Variants in SYN3 observed in about 807,000 individuals in gnomAD.
The protein encoded by SYN3 is synapsin III.
A neutral mutation model predicts 65.8 loss-of-function variants in SYN3; 35 were observed. That is an observed-to-expected ratio of 0.53 (90% CI 0.41 to 0.70). The LOEUF is 0.70. Ranked by LOEUF, SYN3 falls within the 30% of genes least tolerant of loss-of-function variation. SYN3 has a pLI of 0.00. For missense variants in SYN3, 680 were observed against 749.0 expected (o/e 0.91, Z 1.08); for synonymous variants, 270 against 292.9 (o/e 0.92, Z 0.80).
intron 12 of SYN3, among the ~76,000 whole-genome samples, chr22:32,523,595 C>T (rs1346914096): frequency 6.6e-6 from 1 of 152,288 alleles, no homozygotes; most frequent in African/African-American, 2.4e-5. Flanking sequence ...CATTTACCAG[C>T]CATTTCCCTA....
At chr22:32,716,809 C>T (rs2061045372) in intron 6 of SYN3, among the ~76,000 whole-genome samples, 1 of 152,136 alleles carries the variant, frequency 6.6e-6, no homozygotes. Flanking sequence ...AGGTGTGAGC[C>T]AACACGCCCT....
chr22:32,665,956 A>G (rs773505710), intron 6 of SYN3, among the ~76,000 whole-genome samples: 2 of 151,986 alleles, frequency 1.3e-5, no homozygotes, highest in African/African-American at 4.8e-5. Context: ...ATCACACACT[A>G]TATCTGTAAC....
intron 6 of SYN3, among the ~76,000 whole-genome samples, chr22:32,697,941 C>T (rs745936060): frequency 8.5e-5 from 13 of 152,178 alleles, no homozygotes; most frequent in Admixed American, 2.6e-4. Context: ...GAGAGATGCA[C>T]GGAGCAGAGC....
intron 5 of SYN3, among the ~76,000 whole-genome samples, chr22:32,866,742 T>C (rs565335560): frequency 2.1e-4 from 32 of 152,230 alleles, no homozygotes; most frequent in Admixed American, 1.8e-3. Context: ...TTGGATGCCA[T>C]TGGCCAAAAA....
intron 4 of SYN3, among the ~76,000 whole-genome samples, chr22:32,882,016 C>T (rs2049153712): frequency 6.6e-6 from 1 of 150,766 alleles, no homozygotes; most frequent in Non-Finnish European, 1.5e-5. Context: ...GATCATGCCA[C>T]TGCACTCCAG....
At chr22:32,827,275 C>T (rs1000470231) in intron 6 of SYN3, among the ~76,000 whole-genome samples, 2 of 152,186 alleles carry the variant, frequency 1.3e-5, no homozygotes, top group South Asian at 2.1e-4. Flanking sequence ...AAAAACAGAG[C>T]CAGGCGTGGC....
chr22:33,038,208 C>G (rs1052939517), intron 1 of SYN3, among the ~76,000 whole-genome samples: 9 of 152,316 alleles, frequency 5.9e-5, no homozygotes, highest in African/African-American at 1.9e-4. Flanking sequence ...TTAGGCCAGG[C>G]ACCAGGATCC....
chr22:33,012,823 G>A (rs1466976997), intron 1 of SYN3, among the ~76,000 whole-genome samples: 2 of 152,262 alleles, frequency 1.3e-5, no homozygotes, highest in Admixed American at 6.5e-5. Flanking sequence ...GCTGCTCCAT[G>A]CCAGGTGGCG....
chr22:32,971,840 AG>A (rs1032764227), intron 3 of SYN3, among the ~76,000 whole-genome samples: 2 of 152,160 alleles, frequency 1.3e-5, no homozygotes, highest in African/African-American at 2.4e-5. Flanking sequence ...CATCACTGGA[AG>A]GGGGAAGAAA....
At chr22:32,624,969 C>T (rs1159667240) in intron 6 of SYN3, among the ~76,000 whole-genome samples, 1 of 152,202 alleles carries the variant, frequency 6.6e-6, no homozygotes, top group African/African-American at 2.4e-5. Context: ...TCATGATTCT[C>T]AAGGCACACA....
In SYN3 at chr22:32,985,021, G is replaced by C. The variant is rs187721263; in HGVS notation, c.312-4319C>G. Among the ~76,000 whole-genome samples the C allele has an allele frequency of 5.7e-3, 862 of 152,312 alleles. 22 individuals are homozygous for C. Among genetic ancestry groups the C allele is most frequent in the Admixed American group, 0.039 (593 of 15,304 alleles). ...ATCCTCTATGCAACAAGGCAGTAAA[G>C]TGCAATGGCTTCAGGGCATACAGCC... On this transcript the variant is annotated intron_variant, in intron 2 of 13. Transcript: ENST00000358763.
At chr22:32,572,510 CCCTTTCTCTTT>C (rs2058792322) in intron 7 of SYN3, among the ~76,000 whole-genome samples, 2 of 135,586 alleles carry the variant, frequency 1.5e-5, no homozygotes, top group Non-Finnish European at 3.2e-5. Flanking sequence ...CTTCCTCCCT[CCCTTTCTCTTT>C]CCTCCCTTCC....
At chr22:33,035,567 C>T (rs75424596) in intron 1 of SYN3, among the ~76,000 whole-genome samples, 1 of 152,132 alleles carries the variant, frequency 6.6e-6, no homozygotes, top group Non-Finnish European at 1.5e-5. Context: ...TTTAGGTCTA[C>T]GATCTAAATC....
At chr22:32,965,540 G>A (rs552261938) in intron 3 of SYN3, among the ~76,000 whole-genome samples, 95 of 103,244 alleles carry the variant, frequency 9.2e-4, no homozygotes, top group African/African-American at 2.9e-3. Flanking sequence ...ATTATGGTGC[G>A]TACGTGTGTG....
chr22:32,876,539 T>C (rs2048987152), intron 4 of SYN3, among the ~76,000 whole-genome samples: 1 of 150,542 alleles, frequency 6.6e-6, no homozygotes, highest in Admixed American at 6.6e-5. Flanking sequence ...AAGAGTGAGA[T>C]GGGAAATGGG....
chr22:32,993,719 T>C (rs772365497), intron 2 of SYN3, among the ~76,000 whole-genome samples: 22 of 151,470 alleles, frequency 1.5e-4, no homozygotes, highest in Non-Finnish European at 2.9e-4. Context: ...AATCTGAATG[T>C]CATTGTGATA....
intron 4 of SYN3, among the ~76,000 whole-genome samples, chr22:32,919,156 G>A (rs905326178): frequency 2.0e-5 from 3 of 152,128 alleles, no homozygotes; most frequent in African/African-American, 7.2e-5. Context: ...TTACCTGTGT[G>A]CATGTCCACC....
At chr22:32,831,465 A>G (rs984652592) in intron 6 of SYN3, among the ~76,000 whole-genome samples, 2 of 152,130 alleles carry the variant, frequency 1.3e-5, no homozygotes, top group African/African-American at 4.8e-5. Context: ...CTGGATTTTC[A>G]TCTTCATGGC....
intron 4 of SYN3, among the ~76,000 whole-genome samples, chr22:32,896,857 A>G (rs1036325622): frequency 6.6e-6 from 1 of 152,216 alleles, no homozygotes; most frequent in African/African-American, 2.4e-5. Flanking sequence ...ACAAGTGAAC[A>G]CAGTCTCTAA....
Sources: allele counts gnomAD v4.1 joint callset (sites outside exome capture counted in the v4.1 genomes callset), GRCh38; gene constraint gnomAD v4.1.1; transcripts MANE v1.5; gene names NCBI Gene and HGNC (gene_info 2026-07-23, HGNC 2026-07-21).